Variants in PTPRM observed in about 807,000 individuals in gnomAD.
PTPRM encodes receptor-type tyrosine-protein phosphatase mu.
Under a neutral mutation model 186.7 loss-of-function variants are expected in PTPRM, and 47 were observed. The ratio of observed to expected loss-of-function variants is 0.25; its 90% CI spans 0.20 to 0.32. The LOEUF (loss-of-function observed/expected upper bound fraction) is 0.32, where lower values mean the gene tolerates loss of function less well. Ranked by LOEUF, PTPRM falls within the 10% of genes least tolerant of loss-of-function variation. PTPRM has a pLI of 1.00. For missense variants in PTPRM, 1,494 were observed against 1,865.0 expected (o/e 0.80, Z 3.66); for synonymous variants, 668 against 674.9 (o/e 0.99, Z 0.16).
At position 7,611,969 on chromosome 18, in the gene PTPRM, T is replaced by G. The variant is rs896654323; in HGVS notation, c.73+44078T>G. 7.9e-5 allele frequency among the ~76,000 whole-genome samples: 12 copies of G among 152,292 alleles called. No individual in the cohort carries two copies. The East Asian group carries it at 9.6e-4, about 12-fold the overall frequency. On this transcript the variant is annotated intron_variant, in intron 1 of 32. Coordinates refer to ENST00000580170, the MANE Select transcript of PTPRM (RefSeq NM_001105244.2). ...GCTCTACCATCTAGGTTTGTGTAAG[T>G]GTACTTTGTGATGTTCACACAATGA... is the stretch of plus-strand genomic sequence containing the variant.
intron 7 of PTPRM, among the ~76,000 whole-genome samples, chr18:8,040,000 G>C (rs1304439020): frequency 6.6e-6 from 1 of 152,148 alleles, no homozygotes; most frequent in Non-Finnish European, 1.5e-5. Context: ...TAAACCAATA[G>C]AACAAGTTAC....
intron 2 of PTPRM, among the ~76,000 whole-genome samples, chr18:7,850,212 T>C (rs1405715962): frequency 6.6e-6 from 1 of 152,212 alleles, no homozygotes; most frequent in Admixed American, 6.5e-5. Context: ...TGAAGATATA[T>C]GTTATTTGGG....
intron 1 of PTPRM, among the ~76,000 whole-genome samples, chr18:7,606,518 T>G (rs552718174): frequency 6.6e-6 from 1 of 152,188 alleles, no homozygotes; most frequent in African/African-American, 2.4e-5. Context: ...TGATTTTTTT[T>G]TCATGTCTGA....
intron 2 of PTPRM, among the ~76,000 whole-genome samples, chr18:7,794,103 A>G (rs1393695424): frequency 6.6e-6 from 1 of 152,044 alleles, no homozygotes; most frequent in Non-Finnish European, 1.5e-5. Context: ...AGCTACTTCC[A>G]CTCAATAAAA....
intron 11 of PTPRM, among the ~76,000 whole-genome samples, chr18:8,110,719 GATTCCTCATT>G (rs2091716354): frequency 2.0e-5 from 3 of 152,134 alleles, no homozygotes; most frequent in African/African-American, 7.2e-5. Context: ...TACATACCTT[GATTCCTCATT>G]CCAGTGAATG....
At chr18:8,053,071 G>T (rs183946203) in intron 7 of PTPRM, among the ~76,000 whole-genome samples, 120 of 152,104 alleles carry the variant, frequency 7.9e-4, no homozygotes, top group African/African-American at 2.6e-3. Flanking sequence ...AATATCTCTC[G>T]TTTGTTTAGT....
At chr18:8,013,615 T>C (rs1429241307) in intron 7 of PTPRM, among the ~76,000 whole-genome samples, 1 of 152,158 alleles carries the variant, frequency 6.6e-6, no homozygotes, top group Non-Finnish European at 1.5e-5. Context: ...AAAATCCACA[T>C]AGAAGTGGAC....
At chr18:8,320,397 A>C (rs1346171878) in intron 22 of PTPRM, among the ~76,000 whole-genome samples, 2 of 152,188 alleles carry the variant, frequency 1.3e-5, no homozygotes, top group Non-Finnish European at 2.9e-5. Flanking sequence ...AGTTGTAGCC[A>C]GAGAGCAGAA....
rs538253963 is a variant in PTPRM, at chr18:7,921,732, T to G, written c.548-4836T>G. On this transcript the variant is annotated intron_variant, in intron 4 of 32. Transcript: ENST00000580170. ...GTATTTCTTAGTTTCAAGATTTCTG[T>G]TTTTTTTTGTTTGTTTGTTTCTCTG... 3.3e-3 allele frequency among the ~76,000 whole-genome samples: 266 copies of G among 81,832 alleles called. 2 individuals carry two copies. Among genetic ancestry groups the G allele is most frequent in the Admixed American group, 4.4e-3 (42 of 9,600 alleles). The allele number at this position is 81,832 out of a possible 152,430, so 53.7% of individuals were successfully genotyped here.
chr18:8,283,759 T>C (rs1430404519), intron 19 of PTPRM, among the ~76,000 whole-genome samples: 1 of 152,096 alleles, frequency 6.6e-6, no homozygotes, highest in Non-Finnish European at 1.5e-5. Context: ...GCTGGGACTA[T>C]GGGCATGTGC....
At chr18:8,020,999 C>T (rs1454854262) in intron 7 of PTPRM, among the ~76,000 whole-genome samples, 1 of 152,060 alleles carries the variant, frequency 6.6e-6, no homozygotes, top group Non-Finnish European at 1.5e-5. Context: ...AGTATTGGGA[C>T]TTGGTTGTAA....
At chr18:8,163,225 A>G (rs1223737716) in intron 14 of PTPRM, among the ~76,000 whole-genome samples, 1 of 152,118 alleles carries the variant, frequency 6.6e-6, no homozygotes, top group Admixed American at 6.5e-5. Flanking sequence ...ACAACTTCCT[A>G]TTCATTTGAA....
In PTPRM at chr18:8,206,897, C is replaced by T. The variant is rs555236014; in HGVS notation, c.2301-37161C>T. Among the ~76,000 whole-genome samples, 39 of 151,982 alleles carry T rather than the reference C, an allele frequency of 2.6e-4. 1 individual carries two copies. In the Middle Eastern group the frequency reaches 0.014, roughly 53 times the overall value. On this transcript the variant is annotated intron_variant, in intron 14 of 32. Coordinates refer to ENST00000580170, the MANE Select transcript of PTPRM (RefSeq NM_001105244.2). ...CACAGGGAGAGAATGTGAAGAGACA[C>T]GGGGAGAAGGCTGCGGGAGGACAGA... is the stretch of plus-strand genomic sequence containing the variant.
chr18:8,095,027 G>A (rs544050554), intron 11 of PTPRM, among the ~76,000 whole-genome samples: 1 of 152,116 alleles, frequency 6.6e-6, no homozygotes, highest in Non-Finnish European at 1.5e-5. Context: ...TCTTACAGCT[G>A]TGCTAGGATT....
intron 1 of PTPRM, among the ~76,000 whole-genome samples, chr18:7,716,625 A>G (rs569948678): frequency 6.6e-6 from 1 of 152,332 alleles, no homozygotes; most frequent in African/African-American, 2.4e-5. Flanking sequence ...AAAGTACTTA[A>G]ACTTATTTAT....
rs537192235 is a variant in PTPRM, at chr18:7,992,104, G to T, written c.1132+36690G>T. Among the ~76,000 whole-genome samples the T allele has an allele frequency of 8.5e-5, 13 of 152,216 alleles. No homozygotes were observed. The South Asian group carries it at 2.5e-3, about 29-fold the overall frequency. The stretch of plus-strand genomic sequence containing the variant: ...GTAAAACTGATGTGTATTTTCCTCA[G>T]TACCGTGCCCTGAGTGGGTAGGAGA... On this transcript the variant is annotated intron_variant, in intron 7 of 32. Transcript: ENST00000580170.
At chr18:8,135,609 C>T (rs550811187) in intron 13 of PTPRM, among the ~76,000 whole-genome samples, 7 of 152,152 alleles carry the variant, frequency 4.6e-5, no homozygotes, top group Non-Finnish European at 8.8e-5. Context: ...ATATTAAACA[C>T]AACGCCACAA....
intron 7 of PTPRM, among the ~76,000 whole-genome samples, chr18:8,023,409 G>A (rs4633833): frequency 0.088 from 13,365 of 151,998 alleles, 651 homozygotes; most frequent in Middle Eastern, 0.28. Context: ...TAGGCTGATT[G>A]GTTTCAAAAA....
intron 11 of PTPRM, among the ~76,000 whole-genome samples, chr18:8,105,261 C>G (rs901294132): frequency 6.6e-6 from 1 of 152,186 alleles, no homozygotes; most frequent in Non-Finnish European, 1.5e-5. Context: ...ACTATCACCA[C>G]CACCACTACC....
Sources: allele counts gnomAD v4.1 joint callset (sites outside exome capture counted in the v4.1 genomes callset), GRCh38; gene constraint gnomAD v4.1.1; transcripts MANE v1.5; gene names NCBI Gene and HGNC (gene_info 2026-07-23, HGNC 2026-07-21).